RBCK1: variants seen among roughly 807,000 people sequenced by gnomAD.
RBCK1 encodes the protein ranBP-type and C3HC4-type zinc finger-containing protein 1.
Under a neutral mutation model 71.1 loss-of-function variants are expected in RBCK1, and 44 were observed. The ratio of observed to expected loss-of-function variants is 0.62; its 90% CI spans 0.49 to 0.80. The LOEUF (loss-of-function observed/expected upper bound fraction) is 0.80. RBCK1 is among the 30% of genes least tolerant of loss of function. The pLI is 0.00. For missense variants in RBCK1, 569 were observed against 685.0 expected (o/e 0.83, Z 1.89); for synonymous variants, 306 against 279.7 (o/e 1.09, Z -0.94).
intron 2 of RBCK1, among the ~76,000 whole-genome samples, chr20:413,884 C>G (rs1034933340): frequency 2.8e-5 from 4 of 143,302 alleles, no homozygotes; most frequent in Non-Finnish European, 6.0e-5. Context: ...TGAAAATAAG[C>G]TGATTGCTTT....
At chr20:409,624 G>C (rs575531945) in intron 1 of RBCK1, among the ~76,000 whole-genome samples, 5 of 152,214 alleles carry the variant, frequency 3.3e-5, no homozygotes, top group African/African-American at 1.2e-4. Context: ...TTGGATAAAT[G>C]AATAGAAATA....
At chr20:426,600 G>C (rs536886590) in intron 8 of RBCK1, among the ~76,000 whole-genome samples, 1 of 152,156 alleles carries the variant, frequency 6.6e-6, no homozygotes, top group Non-Finnish European at 1.5e-5. Flanking sequence ...TAGGATACTA[G>C]TTTAATCATG....
chr20:419,849 A>G (rs929494660), intron 6 of RBCK1, 118 bp downstream of exon 6: 1 of 1,444,564 alleles, frequency 6.9e-7, no homozygotes, highest in African/African-American at 1.4e-5. Context: ...CCTCCCAACC[A>G]TGCTGCTGGC....
At chr20:421,335 C>T (rs2016426944) in intron 7 of RBCK1, among the ~76,000 whole-genome samples, 1 of 152,166 alleles carries the variant, frequency 6.6e-6, no homozygotes, top group African/African-American at 2.4e-5. Context: ...CTCTCAGCCT[C>T]GCTGTGGGCA....
In RBCK1 at chr20:408,529, G is replaced by T. The variant is rs771665704; in HGVS notation, c.-229G>T. Reference sequence around the variant, plus strand: ...GCGCCCAGTGCGGACCTGTCTCGGCGCCCGCTGCCCTCTCACCGCCCCACG... The same window carrying T: ...GCGCCCAGTGCGGACCTGTCTCGGCTCCCGCTGCCCTCTCACCGCCCCACG... On this transcript the variant is annotated 5_prime_UTR_variant, in exon 1 of 12. Coordinates refer to ENST00000356286, the MANE Select transcript of RBCK1 (RefSeq NM_031229.4). 178 of 605,128 alleles carry T rather than the reference G, an allele frequency of 2.9e-4. No homozygotes were observed. The highest frequency in any genetic ancestry group is 4.3e-4 in the Non-Finnish European group (147 of 340,454). 37.5% of individuals were successfully genotyped at this position (605,128 alleles called of 1,614,324 possible).
At position 416,237 on chromosome 20, in the gene RBCK1, G is replaced by A. The variant is rs574530238; in HGVS notation, c.168-1289G>A. ...GTGGCGCAATCTTGGCTCACTGCACGGTCCGCCTCCCGGGTTCACACCATT... is the reference window on the plus strand; with the variant it reads ...GTGGCGCAATCTTGGCTCACTGCACAGTCCGCCTCCCGGGTTCACACCATT... On this transcript the variant is annotated intron_variant, in intron 2 of 11. Coordinates refer to ENST00000356286, the MANE Select transcript of RBCK1 (RefSeq NM_031229.4). 9.4e-4 allele frequency among the ~76,000 whole-genome samples: 141 copies of A among 149,430 alleles called. No individual in the cohort carries two copies. The Middle Eastern group carries it at 0.024, about 26-fold the overall frequency.
chr20:426,929 G>C (rs551062353), intron 8 of RBCK1, among the ~76,000 whole-genome samples: 1 of 145,110 alleles, frequency 6.9e-6, no homozygotes, highest in Non-Finnish European at 1.5e-5. Flanking sequence ...GGGCTCAAGC[G>C]ATCCTCACAA....
rs951195891 is a variant in RBCK1, at chr20:431,765, G to A, written c.*1335G>A. On this transcript the variant is annotated 3_prime_UTR_variant, in exon 12 of 12. Transcript: ENST00000356286. The surrounding 1 kb of genome is among the most constrained non-coding windows in gnomAD (Gnocchi z 4.8). The stretch of plus-strand genomic sequence containing the variant: ...TCGGCACTGCCTGCATTGGCTCAGG[G>A]CAGTCAACCGTCGCAGAGGATGAGG... Among the ~76,000 whole-genome samples the A allele has an allele frequency of 2.0e-5, 3 of 152,198 alleles. No homozygotes were observed. Among genetic ancestry groups the A allele is most frequent in the Non-Finnish European group, 2.9e-5 (2 of 68,042 alleles).
Position 425,626 on chromosome 20 carries a change from CTT to C in RBCK1, c.1030-1670_1030-1669del, listed in dbSNP as rs66583727. The stretch of plus-strand genomic sequence containing the variant: ...CAAGGAATGTTTTGCATGGTGTATT[CTT>C]TTTTTTTTTTTTTTTTGAGACGAAG... On this transcript the variant is annotated intron_variant, in intron 8 of 11. Transcript: ENST00000356286. Among the ~76,000 whole-genome samples the C allele has an allele frequency of 5.5e-3, 680 of 123,242 alleles. 1 individual carries two copies. The highest frequency in any genetic ancestry group is 0.017 in the African/African-American group (583 of 34,530). The allele number at this position is 123,242 out of a possible 152,430, so 80.9% of individuals were successfully genotyped here.
intron 8 of RBCK1, among the ~76,000 whole-genome samples, chr20:425,365 G>A (rs887764287): frequency 1.3e-5 from 2 of 152,144 alleles, no homozygotes; most frequent in Non-Finnish European, 2.9e-5. Flanking sequence ...ACAATAAAAT[G>A]TACTCATTGT....
chr20:424,029 T>C (rs1958437681), intron 8 of RBCK1, among the ~76,000 whole-genome samples: 1 of 152,208 alleles, frequency 6.6e-6, no homozygotes, highest in Admixed American at 6.5e-5. Flanking sequence ...CACTGTCCCA[T>C]TGGCCAAAGC....
At chr20:418,425 G>A (rs977964988) in intron 4 of RBCK1, among the ~76,000 whole-genome samples, 12 of 152,006 alleles carry the variant, frequency 7.9e-5, no homozygotes, top group South Asian at 2.1e-4. Flanking sequence ...CTGGAGTGCA[G>A]TGGCACAATC....
Position 430,543 on chromosome 20 carries a change from G to A in RBCK1, c.*113G>A. On this transcript the variant is annotated 3_prime_UTR_variant, in exon 12 of 12. Transcript: ENST00000356286. This position sits in a 1 kb window ranked among gnomAD's most constrained non-coding sequence, Gnocchi z 5.6. Reference sequence around the variant, plus strand: ...CTTGCTGTAGCGTTGTAGGGGCCCTGCCTGCACTGCGGTTGTCCACGGTCA... The same window carrying A: ...CTTGCTGTAGCGTTGTAGGGGCCCTACCTGCACTGCGGTTGTCCACGGTCA... 1.9e-6 allele frequency: 2 copies of A among 1,052,770 alleles called. No individual in the cohort carries two copies. The highest frequency in any genetic ancestry group is 1.6e-5 in the African/African-American group (1 of 63,970). The allele number at this position is 1,052,770 out of a possible 1,614,324, so 65.2% of individuals were successfully genotyped here.
chr20:413,943 A>C (rs888977688), intron 2 of RBCK1, among the ~76,000 whole-genome samples: 1 of 150,130 alleles, frequency 6.7e-6, no homozygotes, highest in Non-Finnish European at 1.5e-5. Flanking sequence ...AAAGATTAAC[A>C]CTTTTGGGTG....
At position 431,686 on chromosome 20, in the gene RBCK1, GC is replaced by G. The variant is rs1420949703; in HGVS notation, c.*1260del. 6.6e-6 allele frequency among the ~76,000 whole-genome samples: 1 copy of G among 152,218 alleles called. No homozygotes were observed. The highest frequency in any genetic ancestry group is 1.5e-5 in the Non-Finnish European group (1 of 68,042). On this transcript the variant is annotated 3_prime_UTR_variant, in exon 12 of 12. Coordinates refer to ENST00000356286, the MANE Select transcript of RBCK1 (RefSeq NM_031229.4). The surrounding 1 kb of genome is among the most constrained non-coding windows in gnomAD (Gnocchi z 4.8). ...GTTGGATGCCAGGACTCAAGAGCTGGCCCCAGTCACTGTGCGCAGAGCTGTC... is the reference window on the plus strand; with the variant it reads ...GTTGGATGCCAGGACTCAAGAGCTGGCCCAGTCACTGTGCGCAGAGCTGTC...
chr20:425,262 C>T lies in RBCK1; in HGVS notation c.1030-2051C>T, dbSNP rs544008312. Among the ~76,000 whole-genome samples the T allele has an allele frequency of 6.5e-3, 986 of 152,274 alleles. 7 individuals carry two copies. The highest frequency in any genetic ancestry group is 0.022 in the African/African-American group (913 of 41,554). On this transcript the variant is annotated intron_variant, in intron 8 of 11. Transcript: ENST00000356286. ...CTGACCTCAGGTGATCCACCCACCT[C>T]GGCCTCCCAAAGTGCTAGGATTACA...
intron 2 of RBCK1, among the ~76,000 whole-genome samples, chr20:411,215 C>T (rs950194526): frequency 2.0e-5 from 3 of 152,206 alleles, no homozygotes; most frequent in Admixed American, 1.3e-4. Context: ...ACTTCATTCC[C>T]CTTTTTTTTT....
intron 6 of RBCK1, 116 bp downstream of exon 6, chr20:419,847 C>T: frequency 2.1e-6 from 3 of 1,447,754 alleles, no homozygotes; most frequent in Non-Finnish European, 2.7e-6. Context: ...CCCCTCCCAA[C>T]CATGCTGCTG....
At position 431,083 on chromosome 20, in the gene RBCK1, G is replaced by C. The variant is rs41279380; in HGVS notation, c.*653G>C. On this transcript the variant is annotated 3_prime_UTR_variant, in exon 12 of 12. Transcript: ENST00000356286. The surrounding 1 kb of genome is among the most constrained non-coding windows in gnomAD (Gnocchi z 4.8). ...AGAAAGTTGACTTGTCAGTCCATCTGTGGTAGAATGAGGCTGTGACTGAGC... is the reference window on the plus strand; with the variant it reads ...AGAAAGTTGACTTGTCAGTCCATCTCTGGTAGAATGAGGCTGTGACTGAGC... 0.042 allele frequency: 6,388 copies of C among 152,578 alleles called. 144 individuals are homozygous for C. The highest frequency in any genetic ancestry group is 0.071 in the South Asian group (345 of 4,834). The allele number at this position is 152,578 out of a possible 1,614,324, so 9.5% of individuals were successfully genotyped here.
Sources: gnomAD v4.1 joint callset for allele counts (sites outside exome capture counted in the v4.1 genomes callset) on GRCh38, gnomAD v4.1.1 for gene constraint, Gnocchi (gnomAD v3.1) non-coding constraint, MANE v1.5 for transcripts, NCBI Gene and HGNC (gene_info 2026-07-23, HGNC 2026-07-21) for gene names.